Variants in RFC1 observed in about 807,000 individuals in gnomAD.
The protein encoded by RFC1 is replication factor C subunit 1, also known as A1 140 kDa subunit.
Under a neutral mutation model 137.4 loss-of-function variants are expected in RFC1, and 37 were observed. That is an observed-to-expected ratio of 0.27 (90% confidence interval 0.21 to 0.35). The LOEUF is 0.35. Ranked by LOEUF, RFC1 falls within the 10% of genes least tolerant of loss-of-function variation. RFC1 has a pLI of 1.00. For missense variants in RFC1, 1,205 were observed against 1,358.5 expected (o/e 0.89, Z 1.78); for synonymous variants, 429 against 455.7 (o/e 0.94, Z 0.75).
chr4:39,309,065 C>A (rs1216978112), intron 12 of RFC1, 33 bp from the exon 13 acceptor site: 3 of 1,555,110 alleles, frequency 1.9e-6, no homozygotes, highest in Non-Finnish European at 2.6e-6. Flanking sequence ...AAAAAAGAAA[C>A]CTGATGAAAC....
intron 22 of RFC1, among the ~76,000 whole-genome samples, chr4:39,292,783 A>G (rs933746846): frequency 6.6e-6 from 1 of 151,220 alleles, no homozygotes; most frequent in Non-Finnish European, 1.5e-5. Context: ...CTGGGATTAC[A>G]GGCACCCGCC....
chr4:39,342,558 A>C, intron 3 of RFC1, 91 bp from the exon 4 acceptor site: 1 of 1,298,052 alleles, frequency 7.7e-7, no homozygotes, highest in Non-Finnish European at 1.1e-6. Flanking sequence ...CCAATTCCTC[A>C]AGGTCTTTTT....
intron 4 of RFC1, among the ~76,000 whole-genome samples, chr4:39,337,007 G>A (rs1740386645): frequency 6.6e-6 from 1 of 152,150 alleles, no homozygotes; most frequent in Non-Finnish European, 1.5e-5. Flanking sequence ...AAGTGTATGA[G>A]AGACATCCAA....
chr4:39,296,245 T>C (rs1203825207), intron 21 of RFC1, among the ~76,000 whole-genome samples: 1 of 111,572 alleles, frequency 9.0e-6, no homozygotes, highest in Non-Finnish European at 1.7e-5. Flanking sequence ...TTTCTTTTTT[T>C]TTTTCTTTTT....
At position 39,351,406 on chromosome 4, in the gene RFC1, T is replaced by C; in HGVS notation, c.74A>G (p.Glu25Gly). The C allele has an allele frequency of 6.3e-7, 1 of 1,576,434 alleles. No individual in the cohort carries two copies. The highest frequency in any genetic ancestry group is 1.9e-5 in the Admixed American group (1 of 52,254). The change falls in exon 2 of 25, where the codon GAG becomes GGG. Residue 25 changes from glutamate (E) to glycine (G), a missense_variant. Physicochemically the swap from Glu to Gly is moderately conservative, Grantham distance 98. Transcript: ENST00000349703. ...KLVSETVKKN[E>G]KTKSDEETLK... ...AGTTTCTTCATCAGACTTTGTTTTC[T>C]CATTCTTCTTTACTGTTTCACTTAC...
rs763686652 is a variant in RFC1, at chr4:39,306,563, G to A, written c.1995+29C>T. 7.1e-6 allele frequency: 9 copies of A among 1,268,414 alleles called. No individual in the cohort carries two copies. The South Asian group carries it at 9.5e-5, about 13-fold the overall frequency. 78.6% of individuals were successfully genotyped at this position (1,268,414 alleles called of 1,614,324 possible). On this transcript the variant is annotated intron_variant, in intron 14 of 24. Coordinates refer to ENST00000349703, the MANE Select transcript of RFC1 (RefSeq NM_002913.5). ...TAGCCATGACCACTCGAGGTTATCTGTCCGACCACACTGTGACAACGCACC... is the reference window on the plus strand; with the variant it reads ...TAGCCATGACCACTCGAGGTTATCTATCCGACCACACTGTGACAACGCACC...
chr4:39,299,889 C>T (rs774788868), intron 21 of RFC1, 132 bp downstream of exon 21: 15 of 635,364 alleles, frequency 2.4e-5, no homozygotes, highest in Non-Finnish European at 4.1e-5. Context: ...CACTCCAGCC[C>T]GGGCAACAGA....
At chr4:39,321,842 T>C (rs1739534846) in intron 7 of RFC1, 1 of 156,092 alleles carries the variant, frequency 6.4e-6, no homozygotes, top group South Asian at 2.0e-4. Context: ...AGTTCACAAA[T>C]TGAGGTGTGT....
chr4:39,328,150 G>C (rs968921821), intron 4 of RFC1, among the ~76,000 whole-genome samples: 2 of 147,504 alleles, frequency 1.4e-5, no homozygotes, highest in African/African-American at 4.9e-5. Context: ...AAACATCCAA[G>C]AACTTAGAGA....
chr4:39,355,464 G>C (rs149997262), intron 1 of RFC1, among the ~76,000 whole-genome samples: 1 of 151,646 alleles, frequency 6.6e-6, no homozygotes, highest in Non-Finnish European at 1.5e-5. Flanking sequence ...CTTGTAAAAG[G>C]GTTCCTACAA....
chr4:39,308,850 C>T lies in RFC1; in HGVS notation c.1671G>A (p.Glu557=). 3 of 1,614,180 alleles carry T rather than the reference C, an allele frequency of 1.9e-6. No individual in the cohort carries two copies. Among genetic ancestry groups the T allele is most frequent in the Non-Finnish European group, 2.5e-6 (3 of 1,180,028 alleles). Residue 557 remains glutamate, a synonymous_variant, in exon 13 of 25, where the codon GAG becomes GAA. Coordinates refer to ENST00000349703, the MANE Select transcript of RFC1 (RefSeq NM_002913.5). ...CACCACTTGTCTCCTCAGCCACCTGCTCCTTGAAATCCAGGCTTTTCCAAA... is the reference window on the plus strand; with the variant it reads ...CACCACTTGTCTCCTCAGCCACCTGTTCCTTGAAATCCAGGCTTTTCCAAA... ...DVFWKSLDFK[E]QVAEETSGDS...
chr4:39,304,952 T>C, intron 14 of RFC1, 24 bp from the exon 15 acceptor site: 1 of 1,377,644 alleles, frequency 7.3e-7, no homozygotes, highest in Non-Finnish European at 1.0e-6. Flanking sequence ...TGGAAACCAC[T>C]GAAGGCACAA....
chr4:39,322,302 G>C (rs1739558470), intron 7 of RFC1: 1 of 151,976 alleles, frequency 6.6e-6, no homozygotes, highest in African/African-American at 2.4e-5. Flanking sequence ...CAGCTACTTG[G>C]GGGGCTGCGG....
At chr4:39,302,177 G>A in intron 19 of RFC1, 101 bp downstream of exon 19, 1 of 718,058 alleles carries the variant, frequency 1.4e-6, no homozygotes, top group Non-Finnish European at 2.5e-6. Context: ...GGATTCCACA[G>A]GCATACCAAG....
At chr4:39,332,208 C>T (rs1034601878) in intron 4 of RFC1, among the ~76,000 whole-genome samples, 1 of 152,166 alleles carries the variant, frequency 6.6e-6, no homozygotes, top group East Asian at 1.9e-4. Flanking sequence ...CGGACTAATA[C>T]ACCCTTTTCT....
In RFC1 at chr4:39,360,994, T is replaced by C. The variant is rs147104979; in HGVS notation, c.3+5245A>G. Among the ~76,000 whole-genome samples the C allele has an allele frequency of 3.4e-3, 512 of 152,298 alleles. 2 individuals carry two copies. Among genetic ancestry groups the C allele is most frequent in the African/African-American group, 0.012 (490 of 41,554 alleles). ...ACAAAAGTCTATCCAAGTACAAAAA[T>C]CTTTTATCCTGAAAATCATTAAAAT... On this transcript the variant is annotated intron_variant, in intron 1 of 24. Coordinates refer to ENST00000349703, the MANE Select transcript of RFC1 (RefSeq NM_002913.5).
At position 39,306,765 on chromosome 4, in the gene RFC1, C is replaced by T. The variant is rs1738689328; in HGVS notation, c.1886-64G>A. ...TCACCTAACAGAAATTCAAGCATGG[C>T]AGAAATAGTTATGCCTAAACTTCAC... On this transcript the variant is annotated intron_variant, in intron 13 of 24. Coordinates refer to ENST00000349703, the MANE Select transcript of RFC1 (RefSeq NM_002913.5). 1.4e-5 allele frequency: 13 copies of T among 914,708 alleles called. No homozygotes were observed. In the South Asian group the frequency reaches 1.5e-4, roughly 11 times the overall value. The allele number at this position is 914,708 out of a possible 1,614,324, so 56.7% of individuals were successfully genotyped here. A position where few individuals can be genotyped will look rare whatever the true frequency, so the allele number is the denominator to read the frequency against.
At chr4:39,304,727 C>T in intron 15 of RFC1, 87 bp downstream of exon 15, 2 of 831,824 alleles carry the variant, frequency 2.4e-6, no homozygotes, top group Non-Finnish European at 4.2e-6. Context: ...GCTTGGCACA[C>T]AACCTGTGTT....
At chr4:39,323,304 T>C (rs769946928) in intron 7 of RFC1, 36 bp downstream of exon 7, 2 of 1,562,858 alleles carry the variant, frequency 1.3e-6, no homozygotes, top group Non-Finnish European at 1.8e-6. Flanking sequence ...ATCTGTACTG[T>C]ATATTCAGAA....
Sources: allele counts gnomAD v4.1 joint callset (sites outside exome capture counted in the v4.1 genomes callset), GRCh38; gene constraint gnomAD v4.1.1; transcripts MANE v1.5; gene names NCBI Gene and HGNC (gene_info 2026-07-23, HGNC 2026-07-21).